CELF4: variants seen among roughly 807,000 people sequenced by gnomAD.
CELF4 encodes the protein CUGBP Elav-like family member 4.
Under a neutral mutation model 59.9 loss-of-function variants are expected in CELF4, and 18 were observed. That is an observed-to-expected ratio of 0.30 (90% CI 0.21 to 0.45). CELF4 has a LOEUF of 0.45. Ranked by LOEUF, CELF4 falls within the 20% of genes least tolerant of loss-of-function variation. CELF4 has a pLI of 1.00. For synonymous variants in CELF4, 261 were observed against 267.1 expected (o/e 0.98, Z 0.22); for missense variants, 456 against 689.0 (o/e 0.66, Z 3.79).
intron 1 of CELF4, among the ~76,000 whole-genome samples, chr18:37,515,526 C>T (rs2099949686): frequency 6.6e-6 from 1 of 152,188 alleles, no homozygotes; most frequent in South Asian, 2.1e-4. Flanking sequence ...AAGCAATGGT[C>T]ACACTCTGCT....
At chr18:37,430,062 GC>G (rs2099638960) in intron 2 of CELF4, among the ~76,000 whole-genome samples, 2 of 152,296 alleles carry the variant, frequency 1.3e-5, no homozygotes, top group South Asian at 4.1e-4. Context: ...GAACAGTGCG[GC>G]TCTCACTGCC....
At chr18:37,470,462 G>A (rs1056937488) in intron 2 of CELF4, among the ~76,000 whole-genome samples, 1 of 152,160 alleles carries the variant, frequency 6.6e-6, no homozygotes, top group Non-Finnish European at 1.5e-5. Flanking sequence ...CAGGTCTTCT[G>A]AATTAGGGTA....
chr18:37,325,241 G>A (rs761221117), intron 2 of CELF4, among the ~76,000 whole-genome samples: 1 of 152,070 alleles, frequency 6.6e-6, no homozygotes, highest in Non-Finnish European at 1.5e-5. Context: ...CATCCCTAGG[G>A]GCCTCATCCT....
rs138511503 is a variant in CELF4 at position 37,351,754 on chromosome 18, G to A, written c.370-29873C>T. Among the ~76,000 whole-genome samples, 703 of 151,940 alleles carry A rather than the reference G, an allele frequency of 4.6e-3. 3 individuals carry two copies. The highest frequency in any genetic ancestry group is 0.01 in the Middle Eastern group (3 of 294). On this transcript the variant is annotated intron_variant, in intron 2 of 12. Transcript: ENST00000420428. ...GCCTCTTGAGTAGCTGGGACCACAG[G>A]TGCACGCCACCACGCCCTGCTAATG...
At chr18:37,380,547 CATCT>C (rs1187086847) in intron 2 of CELF4, among the ~76,000 whole-genome samples, 1 of 152,094 alleles carries the variant, frequency 6.6e-6, no homozygotes, top group Non-Finnish European at 1.5e-5. Flanking sequence ...ATTCTCCATC[CATCT>C]ATCCATTCTT....
intron 1 of CELF4, among the ~76,000 whole-genome samples, chr18:37,493,973 T>G (rs1488319447): frequency 6.6e-6 from 1 of 152,148 alleles, no homozygotes; most frequent in Admixed American, 6.5e-5. Flanking sequence ...AAGACAGAGA[T>G]GTGCACAGAG....
At chr18:37,308,095 G>GC (rs2096508072) in intron 3 of CELF4, among the ~76,000 whole-genome samples, 1 of 152,002 alleles carries the variant, frequency 6.6e-6, no homozygotes, top group Admixed American at 6.6e-5. Flanking sequence ...TAATTCTCCT[G>GC]CCCCCTGCCC....
chr18:37,273,582 G>A, intron 6 of CELF4: 2 of 993,190 alleles, frequency 2.0e-6, no homozygotes, highest in Non-Finnish European at 2.4e-6. Context: ...TCTGTTGGTA[G>A]AAGTGACAGG....
At chr18:37,327,432 A>G (rs888289990) in intron 2 of CELF4, among the ~76,000 whole-genome samples, 1 of 151,884 alleles carries the variant, frequency 6.6e-6, no homozygotes, top group Middle Eastern at 3.4e-3. Context: ...CCTTACTAGG[A>G]CTCCCCGAGG....
chr18:37,504,351 A>C (rs923441820), intron 1 of CELF4, among the ~76,000 whole-genome samples: 15 of 150,132 alleles, frequency 1.0e-4, no homozygotes, highest in Admixed American at 7.4e-4. Context: ...TTAGCTGGGC[A>C]TGGTGGTACG....
Position 37,253,722 on chromosome 18 carries a change from T to G in CELF4, c.*44+45A>C, listed in dbSNP as rs941218668. On this transcript the variant is annotated intron_variant, in intron 12 of 12. Coordinates refer to ENST00000420428, the MANE Select transcript of CELF4 (RefSeq NM_020180.4). This position sits in a 1 kb window ranked among gnomAD's most constrained non-coding sequence, Gnocchi z 4.5. ...CGGAGGAGGCGGCGGGTCCGTCTGG[T>G]TCCCTCCCAACCCCCGTCCCCGCGC... 123 of 1,453,270 alleles carry G rather than the reference T, an allele frequency of 8.5e-5. No homozygotes were observed. The East Asian group carries it at 2.3e-3, about 27-fold the overall frequency. The allele number at this position is 1,453,270 out of a possible 1,614,324, so 90.0% of individuals were successfully genotyped here.
chr18:37,552,010 T>A (rs1263099828), intron 1 of CELF4, among the ~76,000 whole-genome samples: 1 of 152,216 alleles, frequency 6.6e-6, no homozygotes, highest in Non-Finnish European at 1.5e-5. Context: ...TTGTCAGCTC[T>A]CCAGCCTTCC....
At chr18:37,401,912 C>G (rs2099330132) in intron 2 of CELF4, among the ~76,000 whole-genome samples, 1 of 152,240 alleles carries the variant, frequency 6.6e-6, no homozygotes, top group Admixed American at 6.5e-5. Context: ...ATAAGGAGGC[C>G]TGGGCCAGAC....
chr18:37,342,885 C>G (rs1344397836), intron 2 of CELF4, among the ~76,000 whole-genome samples: 2 of 152,264 alleles, frequency 1.3e-5, no homozygotes, highest in Middle Eastern at 3.4e-3. Context: ...TGGGTGGTGT[C>G]CCCCCCAACC....
intron 1 of CELF4, among the ~76,000 whole-genome samples, chr18:37,532,969 C>T (rs746002479): frequency 6.6e-6 from 1 of 152,202 alleles, no homozygotes; most frequent in Non-Finnish European, 1.5e-5. Flanking sequence ...TCTTTCTTCC[C>T]ATCTCCATTA....
chr18:37,552,807 C>A (rs150308836), intron 1 of CELF4, among the ~76,000 whole-genome samples: 11 of 152,318 alleles, frequency 7.2e-5, no homozygotes, highest in Admixed American at 1.3e-4. Flanking sequence ...TGGCTTCCCA[C>A]GTATCTCAGC....
chr18:37,507,471 G>T lies in CELF4; in HGVS notation c.287-21864C>A, dbSNP rs562103418. Among the ~76,000 whole-genome samples, 7 of 152,322 alleles carry T rather than the reference G, an allele frequency of 4.6e-5. No individual in the cohort carries two copies. In the South Asian group the frequency reaches 1.0e-3, roughly 23 times the overall value. ...CGTCTCTGTTTCAGGCCAGCACAGT[G>T]ATTGTCCTAAGGCCAGGTTCTGGTC... On this transcript the variant is annotated intron_variant, in intron 1 of 12. Coordinates refer to ENST00000420428, the MANE Select transcript of CELF4 (RefSeq NM_020180.4).
chr18:37,275,152 C>T lies in CELF4; in HGVS notation c.540G>A (p.Glu180=). The part of the protein sequence containing the change: ...RLFEAFGNIE[E]CTILRGPDGN... ...CGTCGGGCCCGCGCAGGATGGTGCA[C>T]TCCTCGATGTTCCCAAAGGCCTCGA... The change falls in exon 4 of 13, where the codon GAG becomes GAA. Residue 180 remains glutamate, a synonymous_variant. Coordinates refer to ENST00000420428, the MANE Select transcript of CELF4 (RefSeq NM_020180.4). 25 of 1,613,556 alleles carry T rather than the reference C, an allele frequency of 1.5e-5. No individual in the cohort carries two copies. Among genetic ancestry groups the T allele is most frequent in the Non-Finnish European group, 2.1e-5 (25 of 1,179,888 alleles).
At chr18:37,491,995 A>C (rs935000437) in intron 1 of CELF4, among the ~76,000 whole-genome samples, 7 of 152,186 alleles carry the variant, frequency 4.6e-5, no homozygotes, top group Non-Finnish European at 1.0e-4. Flanking sequence ...CCTGGGGTGT[A>C]ATCATCACGG....
Sources: allele counts gnomAD v4.1 joint callset (sites outside exome capture counted in the v4.1 genomes callset), GRCh38; gene constraint gnomAD v4.1.1; non-coding constraint Gnocchi (gnomAD v3.1); transcripts MANE v1.5; gene names NCBI Gene and HGNC (gene_info 2026-07-23, HGNC 2026-07-21).